IPPK: variants seen among roughly 807,000 people sequenced by gnomAD.
The protein encoded by IPPK is inositol-pentakisphosphate 2-kinase.
IPPK carries 22 observed loss-of-function variants against 64.6 expected under a neutral mutation model. The observed-to-expected ratio is 0.34, with a 90% confidence interval of 0.24 to 0.49. The LOEUF (loss-of-function observed/expected upper bound fraction) is 0.49, where lower values mean the gene tolerates loss of function less well. IPPK is among the 20% of genes least tolerant of loss of function. IPPK has a pLI of 0.99. For missense variants in IPPK, 532 were observed against 630.7 expected (o/e 0.84, Z 1.68); for synonymous variants, 262 against 247.2 (o/e 1.06, Z -0.56).
intron 11 of IPPK, chr9:92,620,043 C>G (rs536598760): frequency 5.8e-6 from 1 of 172,460 alleles, no homozygotes; most frequent in Non-Finnish European, 1.3e-5. Flanking sequence ...CCAGAGACAA[C>G]GGCAGACGGC....
In IPPK at chr9:92,635,186, G is replaced by A. The variant is rs1434419457; in HGVS notation, c.1039C>T (p.Arg347Ter). The change falls in exon 10 of 13, where the codon CGA (arginine) becomes TGA (stop). Residue 347 changes from arginine to a stop codon, truncating the protein, a stop_gained. Transcript: ENST00000287996. LOFTEE classifies it high-confidence loss of function. This position sits in a 1 kb window ranked among gnomAD's most constrained non-coding sequence, Gnocchi z 4.4. ...GLYPLYNRVE[R>*]YLEEFPEERK... ...TCCTCGGGAAACTCTTCCAGGTATC[G>A]CTCAACCCGGTTGTACAGAGGGTAG... The A allele has an allele frequency of 2.5e-6, 4 of 1,613,380 alleles. No individual in the cohort carries two copies. Among genetic ancestry groups the A allele is most frequent in the Non-Finnish European group, 3.4e-6 (4 of 1,179,666 alleles).
intron 6 of IPPK, among the ~76,000 whole-genome samples, chr9:92,645,813 T>C (rs879909692): frequency 1.3e-4 from 19 of 151,966 alleles, no homozygotes; most frequent in Non-Finnish European, 2.8e-4. Context: ...AAATAAACCA[T>C]AACTAAAAGA....
In IPPK at chr9:92,658,623, A is replaced by G. The variant is rs1454057413; in HGVS notation, c.129+11T>C. 5.6e-6 allele frequency: 9 copies of G among 1,611,360 alleles called. No individual in the cohort carries two copies. The highest frequency in any genetic ancestry group is 6.8e-6 in the Non-Finnish European group (8 of 1,177,556). On this transcript the variant is annotated intron_variant, in intron 2 of 12. Coordinates refer to ENST00000287996, the MANE Select transcript of IPPK (RefSeq NM_022755.6). ...TTGTTGTAAGTCTGGGTGCAAACCC[A>G]CCCATCTTACCTTCTTCCTATTTGG...
intron 5 of IPPK, 46 bp from the exon 6 acceptor site, chr9:92,648,194 A>G: frequency 7.4e-7 from 1 of 1,343,830 alleles, no homozygotes; most frequent in Non-Finnish European, 1.1e-6. Context: ...GGAAGAAATC[A>G]CATACCTCTA....
At chr9:92,648,341 G>A (rs1239681407) in intron 5 of IPPK, among the ~76,000 whole-genome samples, 193 bp from the exon 6 acceptor site, 1 of 152,184 alleles carries the variant, frequency 6.6e-6, no homozygotes, top group African/African-American at 2.4e-5. Flanking sequence ...ATCTCCGCTA[G>A]AGGACCCACG....
intron 11 of IPPK, among the ~76,000 whole-genome samples, chr9:92,633,129 G>A (rs1851875764): frequency 1.3e-5 from 2 of 151,678 alleles, no homozygotes; most frequent in Admixed American, 1.3e-4. Context: ...TCCTACCTCA[G>A]CCTCCCAAGT....
intron 1 of IPPK, among the ~76,000 whole-genome samples, chr9:92,667,479 C>A (rs1280009130): frequency 6.6e-6 from 1 of 152,236 alleles, no homozygotes; most frequent in Non-Finnish European, 1.5e-5. Context: ...CAGGTTACCA[C>A]ATCAGGCACA....
chr9:92,632,092 C>T (rs1486541543), intron 11 of IPPK, among the ~76,000 whole-genome samples: 3 of 152,188 alleles, frequency 2.0e-5, no homozygotes, highest in African/African-American at 7.2e-5. Context: ...GGTATGAATG[C>T]ACAGTCTGTC....
intron 6 of IPPK, among the ~76,000 whole-genome samples, chr9:92,645,977 A>G (rs967060448): frequency 6.6e-6 from 1 of 152,178 alleles, no homozygotes; most frequent in Non-Finnish European, 1.5e-5. Flanking sequence ...AGGTATAAAC[A>G]CATTTTGTAA....
intron 1 of IPPK, among the ~76,000 whole-genome samples, chr9:92,665,641 C>A (rs1286279140): frequency 3.9e-5 from 6 of 152,140 alleles, no homozygotes. Context: ...CCACTTAGAA[C>A]ATTTTCATCT....
At chr9:92,656,634 C>T in intron 2 of IPPK, 83 bp from the exon 3 acceptor site, 2 of 848,606 alleles carry the variant, frequency 2.4e-6, no homozygotes, top group East Asian at 2.5e-5. Flanking sequence ...AAAACCACCA[C>T]GGACCCCACC....
chr9:92,667,694 G>A (rs10820999), intron 1 of IPPK, among the ~76,000 whole-genome samples: 56,374 of 151,896 alleles, frequency 0.37, 12,218 homozygotes, highest in African/African-American at 0.58. Context: ...TGAGGCGGGC[G>A]GGTCATTTGA....
In IPPK at chr9:92,619,565, C is replaced by A. The variant is rs1200757375; in HGVS notation, c.1171G>T (p.Val391Leu). Residue 391 changes from valine (V) to leucine (L), a missense_variant and splice_region_variant, in exon 12 of 13, where the codon GTG becomes TTG. Val to Leu is a conservative substitution (Grantham distance 32, BLOSUM62 1). Transcript: ENST00000287996. ...DGTVAFALTKVQQYRVAMTAK... is the reference protein window; with the variant it reads ...DGTVAFALTKLQQYRVAMTAK... Reference sequence around the variant, plus strand: ...GTCATGGCGACGCGGTACTGCTGCACCTGCAGGGGCGGGAAAGATCAGCTC... The same window carrying A: ...GTCATGGCGACGCGGTACTGCTGCAACTGCAGGGGCGGGAAAGATCAGCTC... 12 of 1,577,148 alleles carry A rather than the reference C, an allele frequency of 7.6e-6. No individual in the cohort carries two copies. The Admixed American group carries it at 1.9e-4, about 25-fold the overall frequency.
At chr9:92,625,920 GA>G (rs1450568131) in intron 11 of IPPK, among the ~76,000 whole-genome samples, 2 of 150,878 alleles carry the variant, frequency 1.3e-5, no homozygotes, top group Middle Eastern at 3.2e-3. Context: ...CAAAATAAGA[GA>G]TTTTTTTTTT....
Position 92,638,157 on chromosome 9 carries a change from T to C in IPPK, c.760A>G (p.Thr254Ala). 6.2e-7 allele frequency: 1 copy of C among 1,614,236 alleles called. No individual in the cohort carries two copies. Among genetic ancestry groups the C allele is most frequent in the Non-Finnish European group, 8.5e-7 (1 of 1,180,040 alleles). ...ACCAGCTCCCTGATCACAGCCCTTG[T>C]GCAGTGGGGCCCACTGGCCAGGCCG... is the stretch of plus-strand genomic sequence containing the variant. ...SNGLASGPHCTRAVIRELVHV... is the reference protein window; with the variant it reads ...SNGLASGPHCARAVIRELVHV... The change falls in exon 9 of 13, where the codon ACA becomes GCA. Residue 254 changes from threonine to alanine, a missense_variant. Coordinates refer to ENST00000287996, the MANE Select transcript of IPPK (RefSeq NM_022755.6).
At chr9:92,658,542 A>T in intron 2 of IPPK, 92 bp downstream of exon 2, 1 of 1,058,096 alleles carries the variant, frequency 9.5e-7, no homozygotes, top group Non-Finnish European at 1.5e-6. Context: ...TTTGAATGCT[A>T]CAACTAGCAT....
rs1851912949 is a variant in IPPK, at chr9:92,635,033, G to C, written c.1067+125C>G. 1 of 883,100 alleles carries C rather than the reference G, an allele frequency of 1.1e-6. No individual in the cohort carries two copies. Among genetic ancestry groups the C allele is most frequent in the Non-Finnish European group, 1.7e-6 (1 of 582,018 alleles). The allele number at this position is 883,100 out of a possible 1,614,324, so 54.7% of individuals were successfully genotyped here. A position where few individuals can be genotyped will look rare whatever the true frequency, so the allele number is the denominator to read the frequency against. On this transcript the variant is annotated intron_variant, in intron 10 of 12. Transcript: ENST00000287996. The surrounding 1 kb of genome is among the most constrained non-coding windows in gnomAD (Gnocchi z 4.4). ...CTGGGCACCTGGGAGCGGAGGACTG[G>C]GGTAGGAAGTGGCCGGCATGCTTCA...
At chr9:92,661,189 G>C (rs977675797) in intron 1 of IPPK, among the ~76,000 whole-genome samples, 2 of 152,220 alleles carry the variant, frequency 1.3e-5, no homozygotes, top group Non-Finnish European at 2.9e-5. Flanking sequence ...TGGGAAGTGA[G>C]ACTGCACAAG....
Position 92,635,444 on chromosome 9 carries a change from T to C in IPPK, c.917-136A>G. Reference sequence around the variant, plus strand: ...ATCACCACAGGCAAGGACTGCACCCTGGACTGGCACTAAGGACAGACGAGA... The same window carrying C: ...ATCACCACAGGCAAGGACTGCACCCCGGACTGGCACTAAGGACAGACGAGA... On this transcript the variant is annotated intron_variant, in intron 9 of 12. Transcript: ENST00000287996. This position sits in a 1 kb window ranked among gnomAD's most constrained non-coding sequence, Gnocchi z 4.4. The C allele has an allele frequency of 2.3e-6, 2 of 876,022 alleles. No individual in the cohort carries two copies. The highest frequency in any genetic ancestry group is 2.7e-4 in the Middle Eastern group (1 of 3,672). 54.3% of individuals were successfully genotyped at this position (876,022 alleles called of 1,614,324 possible). A position where few individuals can be genotyped will look rare whatever the true frequency, so the allele number is the denominator to read the frequency against.
Sources: gnomAD v4.1 joint callset for allele counts (sites outside exome capture counted in the v4.1 genomes callset) on GRCh38, gnomAD v4.1.1 for gene constraint, Gnocchi (gnomAD v3.1) non-coding constraint, MANE v1.5 for transcripts, NCBI Gene and HGNC (gene_info 2026-07-23, HGNC 2026-07-21) for gene names.